Variants in WDFY3 observed in about 807,000 individuals in gnomAD.
WDFY3 encodes the protein WD repeat and FYVE domain containing 3.
A neutral mutation model predicts 409.6 loss-of-function variants in WDFY3; 66 were observed. The observed-to-expected ratio is 0.16, with a 90% CI of 0.13 to 0.20. The LOEUF (loss-of-function observed/expected upper bound fraction) is 0.20, where lower values mean the gene tolerates loss of function less well. Among genes scored for constraint, WDFY3 ranks in the 10% least tolerant of loss-of-function variants. The pLI, the probability that WDFY3 is intolerant of heterozygous loss-of-function variation, is 1.00. For synonymous variants in WDFY3, 1,521 were observed against 1,537.1 expected (o/e 0.99, Z 0.25); for missense variants, 3,031 against 4,298.1 (o/e 0.71, Z 8.24).
Position 84,949,365 on chromosome 4 carries a change from C to T in WDFY3, c.-226+16844G>A, listed in dbSNP as rs981409563. On this transcript the variant is annotated intron_variant, in intron 1 of 67. Coordinates refer to ENST00000295888, the MANE Select transcript of WDFY3 (RefSeq NM_014991.6). ...TAGGAAAGAATCCCACACATTTACA[C>T]GCCCAAATTTATTTTTCAATCACCA... Among the ~76,000 whole-genome samples the T allele has an allele frequency of 5.3e-5, 8 of 152,210 alleles. No individual in the cohort carries two copies. The East Asian group carries it at 5.8e-4, about 11-fold the overall frequency.
At chr4:84,823,507 T>C (rs1425882824) in intron 10 of WDFY3, among the ~76,000 whole-genome samples, 1 of 150,176 alleles carries the variant, frequency 6.7e-6, no homozygotes, top group Non-Finnish European at 1.5e-5. Flanking sequence ...AACCAGCAAG[T>C]CAAAACTAAG....
chr4:84,901,628 C>T (rs914683714), intron 2 of WDFY3, among the ~76,000 whole-genome samples: 1 of 152,154 alleles, frequency 6.6e-6, no homozygotes, highest in Non-Finnish European at 1.5e-5. Flanking sequence ...TCAACACCTG[C>T]ATATTGGAGG....
chr4:84,833,049 C>G (rs1421060534), intron 7 of WDFY3, among the ~76,000 whole-genome samples: 1 of 151,444 alleles, frequency 6.6e-6, no homozygotes, highest in Non-Finnish European at 1.5e-5. Context: ...TGCCAAAAAC[C>G]TAAAGTCTGG....
At chr4:84,896,228 C>A (rs1765614725) in intron 3 of WDFY3, among the ~76,000 whole-genome samples, 2 of 151,946 alleles carry the variant, frequency 1.3e-5, no homozygotes, top group East Asian at 3.9e-4. Flanking sequence ...TACACTCCAG[C>A]CTGGCAACAG....
chr4:84,752,982 T>A (rs1224184664), intron 35 of WDFY3, among the ~76,000 whole-genome samples: 1 of 152,252 alleles, frequency 6.6e-6, no homozygotes, highest in African/African-American at 2.4e-5. Context: ...CCAATATTTA[T>A]GTCAACTGAA....
At position 84,817,421 on chromosome 4, in the gene WDFY3, C is replaced by T. The variant is rs1334451980; in HGVS notation, c.1858G>A (p.Glu620Lys). ...AAAATATCAGTCTTCAACTGCAATTCCGTCGGTGGGGCTGAATGCATTAGC... is the reference window on the plus strand; with the variant it reads ...AAAATATCAGTCTTCAACTGCAATTTCGTCGGTGGGGCTGAATGCATTAGC... ...LGLMHSAPPT[E>K]LQLKTDILRA... Residue 620 changes from glutamate (E) to lysine (K), a missense_variant, in exon 13 of 68, where the codon GAA becomes AAA. Physicochemically the swap from Glu to Lys is moderately conservative, Grantham distance 56. Around this residue, in one of 16 missense-constraint regions of WDFY3, gnomAD observed 1,322 missense variants for 1,697.9 expected, o/e 0.78. Transcript: ENST00000295888. 6.2e-7 allele frequency: 1 copy of T among 1,613,524 alleles called. No individual in the cohort carries two copies. The highest frequency in any genetic ancestry group is 1.7e-5 in the Admixed American group (1 of 59,956).
At chr4:84,957,873 G>C (rs1028698399) in intron 1 of WDFY3, among the ~76,000 whole-genome samples, 2 of 152,134 alleles carry the variant, frequency 1.3e-5, no homozygotes, top group African/African-American at 4.8e-5. Flanking sequence ...AGTTATTAAA[G>C]ATTTGGGGGC....
chr4:84,847,746 C>T (rs1758293723), intron 5 of WDFY3, among the ~76,000 whole-genome samples: 1 of 118,752 alleles, frequency 8.4e-6, no homozygotes, highest in South Asian at 2.8e-4. Context: ...TGCACTCCAG[C>T]ATGGGGGCCA....
At chr4:84,852,248 GA>G (rs1363473507) in intron 4 of WDFY3, among the ~76,000 whole-genome samples, 1 of 152,176 alleles carries the variant, frequency 6.6e-6, no homozygotes, top group Non-Finnish European at 1.5e-5. Context: ...GGATACACTG[GA>G]CAAAGGAATA....
chr4:84,692,977 T>A lies in WDFY3; in HGVS notation c.8957A>T (p.Asn2986Ile). Residue 2986 changes from asparagine to isoleucine, a missense_variant, in exon 59 of 68, where the codon AAT becomes ATT. By Grantham distance (149) the Asn-to-Ile change is moderately radical (BLOSUM62 -3). Transcript: ENST00000295888. ...KRVRSRLNGD[N>I]AGISVLPGST... The stretch of plus-strand genomic sequence containing the variant: ...TCCTGGTAGGACAGAGATTCCTGCA[T>A]TGTCTCCATTGAGTCGACTTCTCAC... The A allele has an allele frequency of 6.2e-7, 1 of 1,613,248 alleles. No homozygotes were observed. Among genetic ancestry groups the A allele is most frequent in the Non-Finnish European group, 8.5e-7 (1 of 1,179,860 alleles).
intron 3 of WDFY3, among the ~76,000 whole-genome samples, chr4:84,866,134 C>G (rs1761360563): frequency 6.6e-6 from 1 of 152,138 alleles, no homozygotes; most frequent in Admixed American, 6.5e-5. Flanking sequence ...TGGTACTTCT[C>G]AATTACTCAG....
At chr4:84,821,009 A>T (rs1753975529) in intron 11 of WDFY3, 75 bp downstream of exon 11, 1 of 1,334,378 alleles carries the variant, frequency 7.5e-7, no homozygotes, top group African/African-American at 1.5e-5. Flanking sequence ...TAACCAAAGA[A>T]TGGGAACAAG....
intron 46 of WDFY3, 106 bp from the exon 47 acceptor site, chr4:84,721,678 T>C (rs2149087748): frequency 1.4e-6 from 2 of 1,389,746 alleles, no homozygotes; most frequent in Non-Finnish European, 1.9e-6. Flanking sequence ...TGAGACAATT[T>C]TGGAAGGTAT....
At chr4:84,946,406 G>C (rs968273931) in intron 1 of WDFY3, among the ~76,000 whole-genome samples, 1 of 152,134 alleles carries the variant, frequency 6.6e-6, no homozygotes, top group Non-Finnish European at 1.5e-5. Flanking sequence ...GTTAAATTTA[G>C]GTTGTAAAAT....
chr4:84,683,259 T>C (rs1008338470), intron 63 of WDFY3, among the ~76,000 whole-genome samples: 3 of 152,132 alleles, frequency 2.0e-5, no homozygotes, highest in African/African-American at 2.4e-5. Context: ...GGGTGTGGTA[T>C]TGGAGTGGAC....
chr4:84,720,942 G>C (rs1373317230), intron 47 of WDFY3, among the ~76,000 whole-genome samples: 5 of 152,198 alleles, frequency 3.3e-5, no homozygotes, highest in Non-Finnish European at 7.3e-5. Context: ...CAGGGTATTG[G>C]AGGTTGAGCA....
rs1385198912 is a variant in WDFY3, at chr4:84,736,308, T to C, written c.6777A>G (p.Ile2259Met). The change falls in exon 42 of 68, where the codon ATA becomes ATG. Residue 2259 changes from isoleucine to methionine, a missense_variant. By Grantham distance (10) the Ile-to-Met change is conservative (BLOSUM62 1). Around this residue, in one of 16 missense-constraint regions of WDFY3, gnomAD observed 98 missense variants for 194.9 expected, o/e 0.50. Coordinates refer to ENST00000295888, the MANE Select transcript of WDFY3 (RefSeq NM_014991.6). ...TGGGCGCTAAAGCTTCTCCTCGACTTATGCATTTCTTTTCATGGGCTATTA... is the reference window on the plus strand; with the variant it reads ...TGGGCGCTAAAGCTTCTCCTCGACTCATGCATTTCTTTTCATGGGCTATTA... ...QNHLAHEKKC[I>M]SRGEALAPTT... is the part of the protein sequence containing the mutation. 6.3e-7 allele frequency: 1 copy of C among 1,593,304 alleles called. No individual in the cohort carries two copies. The highest frequency in any genetic ancestry group is 8.5e-7 in the Non-Finnish European group (1 of 1,173,076).
At chr4:84,775,535 A>C (rs566653857) in intron 27 of WDFY3, among the ~76,000 whole-genome samples, 1 of 152,104 alleles carries the variant, frequency 6.6e-6, no homozygotes, top group East Asian at 1.9e-4. Flanking sequence ...AAATTCAATA[A>C]ACTTGAAGAC....
In WDFY3 at chr4:84,801,652, C is replaced by G; in HGVS notation, c.2820G>C (p.Leu940Phe). The G allele has an allele frequency of 3.1e-6, 5 of 1,608,626 alleles. No homozygotes were observed. The highest frequency in any genetic ancestry group is 4.2e-6 in the Non-Finnish European group (5 of 1,177,502). Residue 940 changes from leucine to phenylalanine, a missense_variant and splice_region_variant, in exon 17 of 68, where the codon TTG (leucine) becomes TTC (phenylalanine). Transcript: ENST00000295888. The part of the protein sequence containing the change: ...LASQALEPMV[L>F]REFLRLASPL... Reference sequence around the variant, plus strand: ...TTTGAGTATGAAAGAGAACTTACCTCAACACCATGGGTTCCAGAGCCTGAG... The same window carrying G: ...TTTGAGTATGAAAGAGAACTTACCTGAACACCATGGGTTCCAGAGCCTGAG...
Sources: allele counts gnomAD v4.1 joint callset (sites outside exome capture counted in the v4.1 genomes callset), GRCh38; gene constraint gnomAD v4.1.1; regional missense constraint gnomAD v4.1.1; transcripts MANE v1.5; gene names NCBI Gene and HGNC (gene_info 2026-07-23, HGNC 2026-07-21).